Variants in PTPRG observed in about 807,000 individuals in gnomAD.
PTPRG encodes the protein protein tyrosine phosphatase receptor type G, also known as receptor-type tyrosine-protein phosphatase gamma.
A neutral mutation model predicts 165.3 loss-of-function variants in PTPRG; 102 were observed. The observed-to-expected ratio is 0.62, with a 90% confidence interval of 0.53 to 0.73. The LOEUF is 0.73. Among genes scored for constraint, PTPRG ranks in the 30% least tolerant of loss-of-function variants. The pLI, the probability that PTPRG is intolerant of heterozygous loss-of-function variation, is 0.00. For synonymous variants in PTPRG, 675 were observed against 669.5 expected (o/e 1.01, Z -0.13); for missense variants, 1,866 against 1,861.4 (o/e 1.00, Z -0.05).
intron 4 of PTPRG, among the ~76,000 whole-genome samples, chr3:62,072,879 C>T (rs1701255987): frequency 6.6e-6 from 1 of 152,058 alleles, no homozygotes; most frequent in Non-Finnish European, 1.5e-5. Context: ...TTCGAATAAC[C>T]TTTGAACCAG....
chr3:61,742,840 A>G, intron 1 of PTPRG: 1 of 1,589,228 alleles, frequency 6.3e-7, no homozygotes, highest in South Asian at 1.1e-5. Flanking sequence ...GAGTTTTTTC[A>G]GCGCCTCGAT....
Position 61,850,323 on chromosome 3 carries a change from C to T in PTPRG, c.190+101341C>T, listed in dbSNP as rs1287274671. Among the ~76,000 whole-genome samples the T allele has an allele frequency of 3.3e-5, 5 of 152,044 alleles. No homozygotes were observed. The East Asian group carries it at 9.7e-4, about 29-fold the overall frequency. ...GGATTACAGGCACCCACCACCACAC[C>T]CAGCTGATTTTTGTATTTTTTAGTA... On this transcript the variant is annotated intron_variant, in intron 2 of 29. Transcript: ENST00000474889.
In PTPRG at chr3:62,213,887, T is replaced by C. The variant is rs554799930; in HGVS notation, c.2156-4964T>C. On this transcript the variant is annotated intron_variant, in intron 12 of 29. Transcript: ENST00000474889. This position sits in a 1 kb window ranked among gnomAD's most constrained non-coding sequence, Gnocchi z 4.4. The stretch of plus-strand genomic sequence containing the variant: ...CAGGGAGCAGGACGGGTATTTCTTC[T>C]GAAGGACACAGCAAGAAGTACGGGG... 6.6e-6 allele frequency among the ~76,000 whole-genome samples: 1 copy of C among 152,258 alleles called. No individual in the cohort carries two copies. Among genetic ancestry groups the C allele is most frequent in the Non-Finnish European group, 1.5e-5 (1 of 68,010 alleles).
chr3:61,843,209 C>T (rs1314698830), intron 2 of PTPRG, among the ~76,000 whole-genome samples: 7 of 152,052 alleles, frequency 4.6e-5, no homozygotes, highest in Admixed American at 4.6e-4. Context: ...ATCTATAGCC[C>T]ATCTGAAGCA....
At chr3:62,189,970 A>AAGCTCTC (rs1576114988) in intron 8 of PTPRG, among the ~76,000 whole-genome samples, 2 of 151,786 alleles carry the variant, frequency 1.3e-5, no homozygotes, top group East Asian at 3.9e-4. Flanking sequence ...TCATCTCCAT[A>AAGCTCTC]AGCTCTCAGC....
At chr3:61,680,156 T>C (rs563975049) in intron 1 of PTPRG, among the ~76,000 whole-genome samples, 1 of 152,174 alleles carries the variant, frequency 6.6e-6, no homozygotes, top group East Asian at 1.9e-4. Context: ...GGCAACCCAA[T>C]AGGATGGCCA....
At chr3:62,003,253 T>C in intron 3 of PTPRG, 96 bp from the exon 4 acceptor site, 1 of 1,377,254 alleles carries the variant, frequency 7.3e-7, no homozygotes. Flanking sequence ...ATAATTCATA[T>C]CATGGTAATG....
intron 2 of PTPRG, among the ~76,000 whole-genome samples, chr3:61,982,767 T>G (rs1299630982): frequency 1.3e-5 from 2 of 152,176 alleles, no homozygotes; most frequent in Admixed American, 6.5e-5. Context: ...GTTTAGGCAT[T>G]GGTACTGAAT....
chr3:61,773,097 A>G (rs2034261059), intron 2 of PTPRG, among the ~76,000 whole-genome samples: 1 of 152,224 alleles, frequency 6.6e-6, no homozygotes, highest in Admixed American at 6.5e-5. Context: ...GCAGGTGTCT[A>G]TCTTAGGAAA....
chr3:61,993,937 C>T (rs543778452), intron 3 of PTPRG, among the ~76,000 whole-genome samples: 1 of 152,288 alleles, frequency 6.6e-6, no homozygotes, highest in South Asian at 2.1e-4. Context: ...TCAGATCTGT[C>T]TTAATCCCCT....
At chr3:61,631,221 TG>T (rs574866177) in intron 1 of PTPRG, among the ~76,000 whole-genome samples, 2,238 of 150,464 alleles carry the variant, frequency 0.015, 56 homozygotes, top group African/African-American at 0.048. Flanking sequence ...AAAAAAAAAA[TG>T]GGTAGCAACC....
chr3:62,174,482 T>A (rs958738749), intron 8 of PTPRG, among the ~76,000 whole-genome samples: 1 of 152,232 alleles, frequency 6.6e-6, no homozygotes, highest in African/African-American at 2.4e-5. Context: ...AGCTATGTTT[T>A]CAATTCTAAA....
chr3:62,183,412 A>G (rs1035154764), intron 8 of PTPRG, among the ~76,000 whole-genome samples: 1 of 152,012 alleles, frequency 6.6e-6, no homozygotes, highest in African/African-American at 2.4e-5. Flanking sequence ...AAAGATACCA[A>G]AATTGGCCAG....
chr3:61,589,727 G>A (rs1700520846), intron 1 of PTPRG, among the ~76,000 whole-genome samples: 1 of 152,078 alleles, frequency 6.6e-6, no homozygotes, highest in Non-Finnish European at 1.5e-5. Flanking sequence ...GGGACACGTG[G>A]CAGCTGCTTA....
At chr3:61,870,218 T>A (rs1364323356) in intron 2 of PTPRG, among the ~76,000 whole-genome samples, 5 of 152,172 alleles carry the variant, frequency 3.3e-5, no homozygotes, top group Non-Finnish European at 7.3e-5. Flanking sequence ...ATATTATGTT[T>A]CCTAGCTTTT....
At chr3:62,017,651 C>G (rs892078828) in intron 4 of PTPRG, among the ~76,000 whole-genome samples, 3 of 151,154 alleles carry the variant, frequency 2.0e-5, no homozygotes, top group Admixed American at 6.6e-5. Context: ...GTCTCGATCT[C>G]CTGACCTCGT....
intron 1 of PTPRG, among the ~76,000 whole-genome samples, chr3:61,647,787 G>A (rs1045686326): frequency 2.9e-4 from 2 of 6,784 alleles, no homozygotes; most frequent in Non-Finnish European, 8.6e-4. Flanking sequence ...GTGAGACTCC[G>A]TCTCAAAAAA....
intron 5 of PTPRG, among the ~76,000 whole-genome samples, chr3:62,088,926 GGCCATCTA>G (rs942379979): frequency 6.6e-6 from 1 of 152,116 alleles, no homozygotes; most frequent in Non-Finnish European, 1.5e-5. Flanking sequence ...TTTACTATCT[GGCCATCTA>G]GGCATTGAGG....
chr3:61,740,797 GAAA>G (rs1287098890), intron 1 of PTPRG, among the ~76,000 whole-genome samples: 19 of 151,950 alleles, frequency 1.3e-4, no homozygotes. Flanking sequence ...GTAAGGTGAT[GAAA>G]AAAACTTTTT....
Sources: gnomAD v4.1 joint callset for allele counts (sites outside exome capture counted in the v4.1 genomes callset) on GRCh38, gnomAD v4.1.1 for gene constraint, Gnocchi (gnomAD v3.1) non-coding constraint, MANE v1.5 for transcripts, NCBI Gene and HGNC (gene_info 2026-07-23, HGNC 2026-07-21) for gene names.